Variants in ABI3BP observed in about 807,000 individuals in gnomAD.
The protein encoded by ABI3BP is ABI family member 3 binding protein.
Under a neutral mutation model 268.6 loss-of-function variants are expected in ABI3BP, and 216 were observed. The observed-to-expected ratio is 0.80, with a 90% CI of 0.72 to 0.90. ABI3BP has a LOEUF of 0.90. Ranked by LOEUF, ABI3BP falls within the 40% of genes least tolerant of loss-of-function variation. ABI3BP has a pLI of 0.00. For synonymous variants in ABI3BP, 730 were observed against 730.0 expected (o/e 1.00, Z 0.00); for missense variants, 2,090 against 2,182.4 (o/e 0.96, Z 0.84).
rs779831525 is a variant in ABI3BP, at chr3:100,819,378, C to A, written c.3032-797G>T. Among the ~76,000 whole-genome samples the A allele has an allele frequency of 3.7e-4, 57 of 152,156 alleles. 1 individual carries two copies. In the Middle Eastern group the frequency reaches 0.017, roughly 45 times the overall value. The stretch of plus-strand genomic sequence containing the variant: ...CTTCATAACATTTTCTTTTTCTAAG[C>A]TTTTAGATGTGTATAGCACCCCTCA... On this transcript the variant is annotated intron_variant, in intron 40 of 67. Transcript: ENST00000471714.
At chr3:100,918,435 G>T (rs770750139) in intron 2 of ABI3BP, among the ~76,000 whole-genome samples, 4 of 151,974 alleles carry the variant, frequency 2.6e-5, no homozygotes, top group African/African-American at 4.8e-5. Flanking sequence ...GTCCTTAGCT[G>T]CTGGGAGTTT....
chr3:100,921,534 G>A (rs1476184881), intron 2 of ABI3BP, among the ~76,000 whole-genome samples: 1 of 151,900 alleles, frequency 6.6e-6, no homozygotes, highest in South Asian at 2.1e-4. Flanking sequence ...AAAAGACATA[G>A]GAACTTAGAG....
At chr3:100,898,658 A>G in intron 4 of ABI3BP, 104 bp downstream of exon 4, 1 of 1,311,068 alleles carries the variant, frequency 7.6e-7, no homozygotes, top group South Asian at 1.5e-5. Flanking sequence ...CACCTAGAAC[A>G]GGCTGTACAG....
At chr3:100,952,463 A>G (rs1420588183) in intron 1 of ABI3BP, among the ~76,000 whole-genome samples, 1 of 152,164 alleles carries the variant, frequency 6.6e-6, no homozygotes, top group Non-Finnish European at 1.5e-5. Flanking sequence ...CATATGTACT[A>G]TATACTGCAT....
At chr3:100,952,069 C>T (rs1456885839) in intron 1 of ABI3BP, among the ~76,000 whole-genome samples, 1 of 152,106 alleles carries the variant, frequency 6.6e-6, no homozygotes, top group Non-Finnish European at 1.5e-5. Context: ...AAAATCCCAG[C>T]TCCTCCTGCT....
chr3:100,961,690 C>T (rs541072169), intron 1 of ABI3BP, among the ~76,000 whole-genome samples: 160 of 152,252 alleles, frequency 1.1e-3, no homozygotes, highest in African/African-American at 3.4e-3. Flanking sequence ...CTATGTAAGT[C>T]GGCCATAAAA....
chr3:100,829,151 AAAG>A (rs894217094), intron 33 of ABI3BP, among the ~76,000 whole-genome samples: 30 of 151,658 alleles, frequency 2.0e-4, no homozygotes, highest in Non-Finnish European at 2.2e-4. Context: ...AAAAAAAAAA[AAAG>A]AAGAAGAAGA....
intron 2 of ABI3BP, among the ~76,000 whole-genome samples, chr3:100,921,614 T>C (rs1411347802): frequency 1.3e-5 from 2 of 152,150 alleles, no homozygotes; most frequent in Non-Finnish European, 2.9e-5. Flanking sequence ...TATTTATTAA[T>C]AGCCACTGGG....
At chr3:100,952,707 CAA>C (rs1212638994) in intron 1 of ABI3BP, 1 of 151,944 alleles carries the variant, frequency 6.6e-6, no homozygotes, top group Non-Finnish European at 1.5e-5. Context: ...GAATGACACA[CAA>C]ATTCGTGAAG....
chr3:100,856,085 C>G (rs1463355198), intron 14 of ABI3BP, among the ~76,000 whole-genome samples: 3 of 152,206 alleles, frequency 2.0e-5, no homozygotes, highest in African/African-American at 4.8e-5. Context: ...ACAACCTACT[C>G]CTTCGTTTTC....
intron 1 of ABI3BP, among the ~76,000 whole-genome samples, chr3:100,959,846 C>T (rs1042439659): frequency 1.3e-5 from 2 of 152,190 alleles, no homozygotes; most frequent in African/African-American, 4.8e-5. Flanking sequence ...CAAACTACCA[C>T]ACTAAAGGCC....
At position 100,874,933 on chromosome 3, in the gene ABI3BP, A is replaced by G; in HGVS notation, c.818T>C (p.Val273Ala). ...ATTAAGACCTGGAATAATAAGGTGGACTGCAAGGAAATAGATGTAAATAAG... is the reference window on the plus strand; with the variant it reads ...ATTAAGACCTGGAATAATAAGGTGGGCTGCAAGGAAATAGATGTAAATAAG... ...EKAPLGGVIL[V>A]HLIIPGLNET... Residue 273 changes from valine to alanine, a missense_variant and splice_region_variant, in exon 9 of 68, where the codon GTC (valine) becomes GCC (alanine). Coordinates refer to ENST00000471714, the MANE Select transcript of ABI3BP (RefSeq NM_001375547.2). The G allele has an allele frequency of 1.3e-6, 2 of 1,564,776 alleles. No individual in the cohort carries two copies. The highest frequency in any genetic ancestry group is 1.7e-6 in the Non-Finnish European group (2 of 1,144,362).
chr3:100,753,192 G>C (rs1367809659), intron 65 of ABI3BP, among the ~76,000 whole-genome samples: 2 of 152,278 alleles, frequency 1.3e-5, no homozygotes. Context: ...GCTGGATGTA[G>C]ACAGTGTCAT....
At chr3:100,860,380 T>C (rs1194969192) in intron 14 of ABI3BP, among the ~76,000 whole-genome samples, 1 of 152,210 alleles carries the variant, frequency 6.6e-6, no homozygotes, top group African/African-American at 2.4e-5. Context: ...GAGTTCTCAG[T>C]TGGAAGTTCT....
chr3:100,849,984 T>C (rs1433740721), intron 17 of ABI3BP, 61 bp downstream of exon 17: 2 of 1,415,762 alleles, frequency 1.4e-6, no homozygotes, highest in Non-Finnish European at 9.8e-7. Context: ...ATGGCCAACA[T>C]GACTTCTCAC....
intron 57 of ABI3BP, among the ~76,000 whole-genome samples, chr3:100,785,784 C>T (rs1344511012): frequency 6.6e-6 from 1 of 152,188 alleles, no homozygotes; most frequent in Admixed American, 6.5e-5. Context: ...AGCTTTTTCA[C>T]AGATGCCCTT....
chr3:100,876,526 G>A lies in ABI3BP; in HGVS notation c.731C>T (p.Thr244Ile). The change falls in exon 7 of 68, where the codon ACA (threonine) becomes ATA (isoleucine). Residue 244 changes from threonine to isoleucine, a missense_variant. By Grantham distance (89) the Thr-to-Ile change is moderately conservative. Transcript: ENST00000471714. ...AYVPRKLIPI[T>I]IIKQVIQNVT... ...AGACAAATTACCTTGCTTGATGATT[G>A]TTATTGGGATTAGTTTCCTTGGGAC... 6.2e-7 allele frequency: 1 copy of A among 1,613,290 alleles called. No individual in the cohort carries two copies. Among genetic ancestry groups the A allele is most frequent in the Non-Finnish European group, 8.5e-7 (1 of 1,179,478 alleles).
intron 63 of ABI3BP, among the ~76,000 whole-genome samples, chr3:100,759,647 A>G (rs1357137647): frequency 6.6e-6 from 1 of 152,204 alleles, no homozygotes; most frequent in East Asian, 1.9e-4. Context: ...GCCAAGCAAT[A>G]GCAAAGAAAA....
chr3:100,983,256 G>A (rs1215047154), intron 1 of ABI3BP, among the ~76,000 whole-genome samples: 1 of 151,950 alleles, frequency 6.6e-6, no homozygotes, highest in Non-Finnish European at 1.5e-5. Flanking sequence ...GAGAAACAGT[G>A]GAATACATTT....
Sources: allele counts gnomAD v4.1 joint callset (sites outside exome capture counted in the v4.1 genomes callset), GRCh38; gene constraint gnomAD v4.1.1; transcripts MANE v1.5; gene names NCBI Gene and HGNC (gene_info 2026-07-23, HGNC 2026-07-21).